SEPSECS: variants seen among roughly 807,000 people sequenced by gnomAD.
SEPSECS encodes Sep (O-phosphoserine) tRNA:Sec (selenocysteine) tRNA synthase.
In SEPSECS, 42 loss-of-function variants were observed where a neutral mutation model predicts 52.1. That is an observed-to-expected ratio of 0.81 (90% CI 0.63 to 1.04). The LOEUF is 1.04. Ranked by LOEUF, SEPSECS falls within the 50% of genes least tolerant of loss-of-function variation. SEPSECS has a pLI of 0.00. For synonymous variants in SEPSECS, 216 were observed against 211.4 expected, an observed-to-expected ratio of 1.02 and a Z score of -0.19; for missense variants, 590 against 610.6, an observed-to-expected ratio of 0.97 and a Z score of 0.36.
At chr4:25,127,476 G>C in intron 8 of SEPSECS, 119 bp from the exon 9 acceptor site, 1 of 731,582 alleles carries the variant, frequency 1.4e-6, no homozygotes, top group East Asian at 2.7e-5. Flanking sequence ...TGTGCCTTAA[G>C]ACCAATTCTC....
chr4:25,125,504 C>A, intron 10 of SEPSECS, 190 bp downstream of exon 10: 2 of 581,896 alleles, frequency 3.4e-6, no homozygotes, highest in Non-Finnish European at 6.1e-6. Flanking sequence ...GTGACTATTT[C>A]AGGCATAAGC....
At chr4:25,145,473 C>T (rs1711904313) in intron 6 of SEPSECS, among the ~76,000 whole-genome samples, 1 of 152,184 alleles carries the variant, frequency 6.6e-6, no homozygotes, top group African/African-American at 2.4e-5. Context: ...ATATGTGCAA[C>T]TTTAAGTTTA....
At chr4:25,148,215 T>C (rs1283867868) in intron 6 of SEPSECS, among the ~76,000 whole-genome samples, 1 of 151,928 alleles carries the variant, frequency 6.6e-6, no homozygotes, top group Admixed American at 6.6e-5. Context: ...TAGCCAGGCA[T>C]GGTGGTGGGC....
intron 8 of SEPSECS, among the ~76,000 whole-genome samples, chr4:25,130,653 T>C (rs1400406084): frequency 2.6e-5 from 4 of 152,192 alleles, no homozygotes; most frequent in Non-Finnish European, 5.9e-5. Flanking sequence ...TAAGCAAATA[T>C]GTTTTAAATA....
chr4:25,149,019 G>A (rs1391498677), intron 6 of SEPSECS, among the ~76,000 whole-genome samples: 1 of 152,086 alleles, frequency 6.6e-6, no homozygotes, highest in Non-Finnish European at 1.5e-5. Context: ...CAGAGTATTA[G>A]GGATGTGCAA....
intron 2 of SEPSECS, 35 bp downstream of exon 2, chr4:25,158,918 A>G: frequency 6.3e-7 from 1 of 1,597,080 alleles, no homozygotes; most frequent in South Asian, 1.1e-5. Context: ...AAATAAATAA[A>G]CGATGTATCT....
intron 6 of SEPSECS, among the ~76,000 whole-genome samples, chr4:25,150,035 T>C (rs1712206938): frequency 6.6e-6 from 1 of 152,228 alleles, no homozygotes; most frequent in African/African-American, 2.4e-5. Flanking sequence ...TTGCTGCCAA[T>C]GACATCCTAA....
At chr4:25,128,413 A>T (rs1320230556) in intron 8 of SEPSECS, among the ~76,000 whole-genome samples, 2 of 152,086 alleles carry the variant, frequency 1.3e-5, no homozygotes, top group Non-Finnish European at 2.9e-5. Context: ...GGAGTTCAAC[A>T]CCAGCCTGGG....
chr4:25,156,475 C>G (rs570651707), intron 3 of SEPSECS, among the ~76,000 whole-genome samples: 18 of 151,516 alleles, frequency 1.2e-4, no homozygotes, highest in African/African-American at 4.1e-4. Flanking sequence ...GAGGCCAAGG[C>G]GGGCGGATCA....
At chr4:25,126,919 G>A (rs985263061) in intron 9 of SEPSECS, among the ~76,000 whole-genome samples, 1 of 152,144 alleles carries the variant, frequency 6.6e-6, no homozygotes, top group African/African-American at 2.4e-5. Context: ...GCCTCCCAAA[G>A]TGCTAGGATT....
At chr4:25,159,975 G>A (rs1712961602) in intron 1 of SEPSECS, 1 of 985,162 alleles carries the variant, frequency 1.0e-6, no homozygotes, top group African/African-American at 1.7e-5. Context: ...AAGTACACTG[G>A]GACTTTCCCT....
At chr4:25,155,236 C>CGA (rs1240292782) in intron 4 of SEPSECS, 85 bp from the exon 5 acceptor site, 1 of 1,376,148 alleles carries the variant, frequency 7.3e-7, no homozygotes, top group Non-Finnish European at 1.0e-6. Context: ...TGCTATTCTA[C>CGA]ACAAGAACTC....
At chr4:25,159,928 G>A (rs892806753) in intron 1 of SEPSECS, 1 of 985,422 alleles carries the variant, frequency 1.0e-6, no homozygotes, top group African/African-American at 1.7e-5. Flanking sequence ...GTTGGTGAAA[G>A]ATGGAGGTGC....
chr4:25,141,882 A>G (rs778212670), intron 8 of SEPSECS, among the ~76,000 whole-genome samples: 15 of 152,056 alleles, frequency 9.9e-5, no homozygotes, highest in Admixed American at 7.2e-4. Flanking sequence ...TCAAATACCC[A>G]AGGTCCACAT....
At position 25,152,073 on chromosome 4, in the gene SEPSECS, A is replaced by G. The variant is rs369378715; in HGVS notation, c.702-11T>C. ...GCCAGTTCTTCTAATCTATAAACAT[A>G]AATATTCAATAGAAAGACATACTCA... On this transcript the variant is annotated splice_polypyrimidine_tract_variant and intron_variant, in intron 5 of 10. Coordinates refer to ENST00000382103, the MANE Select transcript of SEPSECS (RefSeq NM_016955.4). 52 of 1,410,868 alleles carry G rather than the reference A, an allele frequency of 3.7e-5. 1 individual carries two copies. In the East Asian group the frequency reaches 9.8e-4, roughly 27 times the overall value. 87.4% of individuals were successfully genotyped at this position (1,410,868 alleles called of 1,614,324 possible). A position where few individuals can be genotyped will look rare whatever the true frequency, so the allele number is the denominator to read the frequency against.
Position 25,152,078 on chromosome 4 carries a change from T to C in SEPSECS, c.702-16A>G, listed in dbSNP as rs1422899064. ...TTCTTCTAATCTATAAACATAAATATTCAATAGAAAGACATACTCACACTG... is the reference window on the plus strand; with the variant it reads ...TTCTTCTAATCTATAAACATAAATACTCAATAGAAAGACATACTCACACTG... On this transcript the variant is annotated splice_polypyrimidine_tract_variant and intron_variant, in intron 5 of 10. Coordinates refer to ENST00000382103, the MANE Select transcript of SEPSECS (RefSeq NM_016955.4). The C allele has an allele frequency of 7.3e-7, 1 of 1,378,342 alleles. No homozygotes were observed. The highest frequency in any genetic ancestry group is 1.0e-6 in the Non-Finnish European group (1 of 965,140). 85.4% of individuals were successfully genotyped at this position (1,378,342 alleles called of 1,614,324 possible).
chr4:25,144,813 A>T lies in SEPSECS; in HGVS notation c.987T>A (p.Leu329=). The change falls in exon 8 of 11, where the codon CTT becomes CTA. Residue 329 remains leucine (L), a synonymous_variant. Transcript: ENST00000382103. The part of the protein sequence containing the change: ...SLDVLITLLS[L]GSNGYKKLLK... The stretch of plus-strand genomic sequence containing the variant: ...GTAGCTTCTTATAGCCATTTGATCC[A>T]AGTGACAATAAAGTAATAAGGACAT... The T allele has an allele frequency of 6.2e-7, 1 of 1,613,374 alleles. No homozygotes were observed. Among genetic ancestry groups the T allele is most frequent in the Non-Finnish European group, 8.5e-7 (1 of 1,179,540 alleles).
chr4:25,152,121 T>C (rs1712340831), intron 5 of SEPSECS, 59 bp from the exon 6 acceptor site: 4 of 1,070,426 alleles, frequency 3.7e-6, no homozygotes, highest in Non-Finnish European at 5.8e-6. Flanking sequence ...TAAATGATAG[T>C]GCAGAAAGTT....
rs34423002 is a variant in SEPSECS at position 25,159,110 on chromosome 4, T to TAA, written c.115-5_115-4dup. ...CAGCCATTCTCTGGACACTTGCCCTTAAAAAAAAAAAAAAACTTATGATTA... is the reference window on the plus strand; with the variant it reads ...CAGCCATTCTCTGGACACTTGCCCTTAAAAAAAAAAAAAAAAACTTATGATTA... On this transcript the variant is annotated splice_region_variant and splice_polypyrimidine_tract_variant and intron_variant, in intron 1 of 10. Coordinates refer to ENST00000382103, the MANE Select transcript of SEPSECS (RefSeq NM_016955.4). 0.027 allele frequency: 37,727 copies of TAA among 1,419,864 alleles called. No individual in the cohort carries two copies. The highest frequency in any genetic ancestry group is 0.034 in the South Asian group (2,485 of 74,096). The allele number at this position is 1,419,864 out of a possible 1,614,324, so 88.0% of individuals were successfully genotyped here.
Sources: gnomAD v4.1 joint callset for allele counts (sites outside exome capture counted in the v4.1 genomes callset) on GRCh38, gnomAD v4.1.1 for gene constraint, MANE v1.5 for transcripts, NCBI Gene and HGNC (gene_info 2026-07-23, HGNC 2026-07-21) for gene names.